STK39: variants seen among roughly 807,000 people sequenced by gnomAD.
STK39 encodes the protein serine/threonine kinase 39.
In STK39, 20 loss-of-function variants were observed where a neutral mutation model predicts 77.8. That is an observed-to-expected ratio of 0.26 (90% confidence interval 0.18 to 0.37). STK39 has a LOEUF of 0.37. Among genes scored for constraint, STK39 ranks in the 10% least tolerant of loss-of-function variants. The probability of loss-of-function intolerance (pLI) is 1.00; values close to 1 mark genes in which losing one functional copy is unlikely to be tolerated. For synonymous variants in STK39, 246 were observed against 234.1 expected, an observed-to-expected ratio of 1.05 and a Z score of -0.47; for missense variants, 479 against 656.5, an observed-to-expected ratio of 0.73 and a Z score of 2.95.
chr2:168,137,230 G>A (rs943781619), intron 8 of STK39, among the ~76,000 whole-genome samples: 3 of 152,188 alleles, frequency 2.0e-5, no homozygotes, highest in Non-Finnish European at 2.9e-5. Flanking sequence ...CAGTTATTAT[G>A]TTTTAAAATA....
At chr2:168,010,018 G>A (rs1439195603) in intron 16 of STK39, among the ~76,000 whole-genome samples, 1 of 152,178 alleles carries the variant, frequency 6.6e-6, no homozygotes, top group Non-Finnish European at 1.5e-5. Flanking sequence ...TAGGTCTGAA[G>A]CAAGGACTAT....
At chr2:168,240,097 G>A (rs769507605) in intron 1 of STK39, among the ~76,000 whole-genome samples, 5 of 152,220 alleles carry the variant, frequency 3.3e-5, no homozygotes, top group Non-Finnish European at 5.9e-5. Context: ...AAATGGAAGG[G>A]AAGGGTCTTG....
chr2:168,140,277 A>G lies in STK39; in HGVS notation c.840+12T>C, dbSNP rs1228534358. Reference sequence around the variant, plus strand: ...ATTTCAACCCCGATGTAGTATTTCCAATTGTAATTACTTTCATGGGAGGAT... The same window carrying G: ...ATTTCAACCCCGATGTAGTATTTCCGATTGTAATTACTTTCATGGGAGGAT... On this transcript the variant is annotated intron_variant, in intron 7 of 17. Coordinates refer to ENST00000355999, the MANE Select transcript of STK39 (RefSeq NM_013233.3). The G allele has an allele frequency of 3.1e-6, 5 of 1,602,700 alleles. No homozygotes were observed. The Admixed American group carries it at 6.7e-5, about 21-fold the overall frequency.
intron 12 of STK39, among the ~76,000 whole-genome samples, chr2:168,072,381 CTA>C (rs1685964056): frequency 6.6e-6 from 1 of 152,060 alleles, no homozygotes; most frequent in Non-Finnish European, 1.5e-5. Context: ...AATCATTATT[CTA>C]TGTCTCTTCT....
chr2:168,096,584 C>T (rs761815374), intron 10 of STK39, among the ~76,000 whole-genome samples: 1 of 152,162 alleles, frequency 6.6e-6, no homozygotes, highest in Non-Finnish European at 1.5e-5. Context: ...GTGTCCTACA[C>T]CCAAGTATGT....
chr2:168,182,991 G>T (rs1253258527), intron 1 of STK39, among the ~76,000 whole-genome samples: 1 of 152,140 alleles, frequency 6.6e-6, no homozygotes, highest in African/African-American at 2.4e-5. Flanking sequence ...TTTTTCTTCA[G>T]GTAATACTTC....
chr2:167,993,021 T>G (rs1683740715), intron 16 of STK39, among the ~76,000 whole-genome samples: 1 of 152,160 alleles, frequency 6.6e-6, no homozygotes, highest in African/African-American at 2.4e-5. Context: ...CTTTTGAAAA[T>G]GGGCTGCAAA....
chr2:168,139,078 TG>T (rs1379741665), intron 7 of STK39, among the ~76,000 whole-genome samples: 1 of 152,192 alleles, frequency 6.6e-6, no homozygotes, highest in Non-Finnish European at 1.5e-5. Flanking sequence ...AGCGTGAAAG[TG>T]ACGGCTTATT....
intron 14 of STK39, among the ~76,000 whole-genome samples, chr2:168,022,386 T>C (rs1684592289): frequency 6.6e-6 from 1 of 152,204 alleles, no homozygotes; most frequent in African/African-American, 2.4e-5. Flanking sequence ...GTAAGCACTA[T>C]TGCAGGAACT....
chr2:168,221,252 G>A (rs772884269), intron 1 of STK39, among the ~76,000 whole-genome samples: 3 of 152,092 alleles, frequency 2.0e-5, no homozygotes, highest in Non-Finnish European at 2.9e-5. Context: ...GTTTCTTTTC[G>A]TTATTTCTCT....
intron 16 of STK39, among the ~76,000 whole-genome samples, chr2:168,000,870 A>G (rs1046548332): frequency 6.6e-6 from 1 of 152,228 alleles, no homozygotes; most frequent in African/African-American, 2.4e-5. Flanking sequence ...GGGGTGTATT[A>G]CTGAAAAGAT....
At chr2:168,183,053 G>C (rs957200657) in intron 1 of STK39, among the ~76,000 whole-genome samples, 1 of 152,106 alleles carries the variant, frequency 6.6e-6, no homozygotes, top group Non-Finnish European at 1.5e-5. Context: ...GGAGTATTTG[G>C]CAACAAGAGA....
intron 14 of STK39, among the ~76,000 whole-genome samples, chr2:168,019,256 G>A (rs188794735): frequency 1.3e-5 from 2 of 152,220 alleles, no homozygotes; most frequent in Admixed American, 1.3e-4. Flanking sequence ...TCATGGTTTC[G>A]GTTACCCATG....
chr2:168,113,563 T>A (rs1687175781), intron 10 of STK39, among the ~76,000 whole-genome samples: 1 of 152,250 alleles, frequency 6.6e-6, no homozygotes, highest in Non-Finnish European at 1.5e-5. Context: ...AATATAGGCA[T>A]TTTTGTTAAA....
chr2:168,079,265 C>T (rs1686163843), intron 10 of STK39, among the ~76,000 whole-genome samples: 1 of 152,156 alleles, frequency 6.6e-6, no homozygotes, highest in Admixed American at 6.5e-5. Flanking sequence ...CCTCTCCAGC[C>T]TAGGTCCTCT....
At chr2:168,026,161 T>A (rs1684693525) in intron 14 of STK39, among the ~76,000 whole-genome samples, 1 of 152,220 alleles carries the variant, frequency 6.6e-6, no homozygotes, top group Non-Finnish European at 1.5e-5. Context: ...TTCCGATCTT[T>A]GCAGAAAATG....
chr2:168,056,007 T>C (rs1407976369), intron 14 of STK39, among the ~76,000 whole-genome samples: 1 of 152,180 alleles, frequency 6.6e-6, no homozygotes, highest in Non-Finnish European at 1.5e-5. Flanking sequence ...TCATATATAC[T>C]ATGGACAAAA....
intron 10 of STK39, among the ~76,000 whole-genome samples, chr2:168,111,509 T>A (rs1199471193): frequency 6.6e-6 from 1 of 152,224 alleles, no homozygotes; most frequent in Non-Finnish European, 1.5e-5. Context: ...GCTACTCAGA[T>A]ACCTGCTGTC....
chr2:168,247,080 A>AG (rs1558896692), intron 1 of STK39, 148 bp downstream of exon 1: 1 of 286,254 alleles, frequency 3.5e-6, no homozygotes, highest in East Asian at 1.4e-4. Context: ...AAAAAAAAAA[A>AG]AAAAAAAAAC....
Sources: allele counts gnomAD v4.1 joint callset (sites outside exome capture counted in the v4.1 genomes callset), GRCh38; gene constraint gnomAD v4.1.1; transcripts MANE v1.5; gene names NCBI Gene and HGNC (gene_info 2026-07-23, HGNC 2026-07-21).